Variants in WDPCP observed in about 807,000 individuals in gnomAD.
The protein encoded by WDPCP is WD repeat-containing and planar cell polarity effector protein fritz homolog.
A neutral mutation model predicts 93.1 loss-of-function variants in WDPCP; 71 were observed. The observed-to-expected ratio is 0.76, with a 90% CI of 0.63 to 0.93. The LOEUF (loss-of-function observed/expected upper bound fraction) is 0.93. WDPCP is among the 40% of genes least tolerant of loss of function. WDPCP has a pLI of 0.00. For missense variants in WDPCP, 844 were observed against 887.4 expected (o/e 0.95, Z 0.62); for synonymous variants, 315 against 315.0 (o/e 1.00, Z 0.00).
chr2:63,326,699 GGAGAC>G (rs1270445218), intron 12 of WDPCP, among the ~76,000 whole-genome samples: 21 of 150,758 alleles, frequency 1.4e-4, no homozygotes, highest in South Asian at 4.2e-4. Context: ...TCAAAGAGAA[GGAGAC>G]AGACAGAAAG....
intron 13 of WDPCP, among the ~76,000 whole-genome samples, chr2:63,296,110 C>T (rs764228836): frequency 6.6e-6 from 1 of 151,824 alleles, no homozygotes; most frequent in Non-Finnish European, 1.5e-5. Flanking sequence ...GGGCTTTATT[C>T]CAGGGATACA....
At chr2:63,185,503 T>C (rs888274271) in intron 14 of WDPCP, among the ~76,000 whole-genome samples, 2 of 151,962 alleles carry the variant, frequency 1.3e-5, no homozygotes, top group Non-Finnish European at 2.9e-5. Context: ...TATGTATGAA[T>C]TCCTTGGTTG....
At chr2:63,241,139 A>C (rs1852909) in intron 14 of WDPCP, among the ~76,000 whole-genome samples, 1 of 152,114 alleles carries the variant, frequency 6.6e-6, no homozygotes, top group Non-Finnish European at 1.5e-5. Context: ...ACTTAATAAG[A>C]TTACTGAAAA....
At chr2:63,269,172 T>C (rs1682417208) in intron 13 of WDPCP, among the ~76,000 whole-genome samples, 1 of 152,200 alleles carries the variant, frequency 6.6e-6, no homozygotes, top group South Asian at 2.1e-4. Context: ...CCAACCAGTG[T>C]TACTTAGTTG....
At chr2:63,788,359 C>T (rs867549001) in intron 2 of WDPCP, among the ~76,000 whole-genome samples, 6 of 152,102 alleles carry the variant, frequency 3.9e-5, no homozygotes, top group South Asian at 2.1e-4. Context: ...ACAGATATAA[C>T]GCTAAACAGA....
At position 63,817,634 on chromosome 2, in the gene WDPCP, A is replaced by G. The variant is rs546051351; in HGVS notation, n.223-3927T>C. On this transcript the variant is annotated intron_variant and non_coding_transcript_variant, in intron 1 of 4. Coordinates refer to the WDPCP transcript ENST00000467687. ...ATGGCTGCTTTCACTCTACAAAGGCAGAGTTCAGTAGCTGTGACAGAGACC... is the reference window on the plus strand; with the variant it reads ...ATGGCTGCTTTCACTCTACAAAGGCGGAGTTCAGTAGCTGTGACAGAGACC... Among the ~76,000 whole-genome samples, 3 of 152,292 alleles carry G rather than the reference A, an allele frequency of 2.0e-5. No individual in the cohort carries two copies. The East Asian group carries it at 5.8e-4, about 29-fold the overall frequency.
At chr2:63,246,264 G>A (rs965194919) in intron 14 of WDPCP, among the ~76,000 whole-genome samples, 1 of 152,132 alleles carries the variant, frequency 6.6e-6, no homozygotes, top group Non-Finnish European at 1.5e-5. Context: ...AAAAGGCATG[G>A]ATCACCAGGG....
At chr2:63,606,698 TTGAG>T (rs1395659155) in intron 3 of WDPCP, among the ~76,000 whole-genome samples, 1 of 152,078 alleles carries the variant, frequency 6.6e-6, no homozygotes, top group African/African-American at 2.4e-5. Flanking sequence ...AATTCAAGTG[TTGAG>T]TTTTTATTAG....
At chr2:63,835,960 G>A in the WDPCP span, among the ~76,000 whole-genome samples, 1 of 152,118 alleles carries the variant, frequency 6.6e-6, no homozygotes, top group African/African-American at 2.4e-5. Flanking sequence ...GTTCAAGTGA[G>A]TTTTGTGCCT....
intron 1 of WDPCP, among the ~76,000 whole-genome samples, chr2:63,546,317 G>T (rs1407949029): frequency 6.6e-6 from 1 of 152,196 alleles, no homozygotes; most frequent in Non-Finnish European, 1.5e-5. Context: ...AAACAGTAAT[G>T]TAGTTTTTAA....
At chr2:63,552,344 T>A (rs1324007200) in intron 1 of WDPCP, among the ~76,000 whole-genome samples, 4 of 151,974 alleles carry the variant, frequency 2.6e-5, no homozygotes, top group African/African-American at 9.7e-5. Flanking sequence ...AAAAATTATT[T>A]AATTTTAAAG....
upstream of WDPCP, chr2:63,590,978 G>A (rs963541171): frequency 3.9e-5 from 6 of 152,186 alleles, no homozygotes; most frequent in Non-Finnish European, 7.4e-5. Context: ...GTACTGCTTA[G>A]TTTTTTGTGT....
At chr2:63,233,677 A>C in intron 14 of WDPCP, 1 of 153,696 alleles carries the variant, frequency 6.5e-6, no homozygotes, top group Non-Finnish European at 1.5e-5. Context: ...CCAGCACATC[A>C]AGCAGAGGGC....
intron 6 of WDPCP, among the ~76,000 whole-genome samples, chr2:63,474,603 T>C (rs1430217215): frequency 6.6e-6 from 1 of 152,114 alleles, no homozygotes; most frequent in African/African-American, 2.4e-5. Context: ...TTTGTACATT[T>C]TAATGATTGG....
chr2:63,384,929 C>G (rs936295946), intron 10 of WDPCP, among the ~76,000 whole-genome samples: 2 of 151,816 alleles, frequency 1.3e-5, no homozygotes, highest in Non-Finnish European at 2.9e-5. Context: ...AAACCCTTAA[C>G]ATAATATTAG....
chr2:63,368,389 A>G (rs1446719062), intron 12 of WDPCP, among the ~76,000 whole-genome samples: 3 of 151,782 alleles, frequency 2.0e-5, no homozygotes, highest in Admixed American at 2.0e-4. Flanking sequence ...GCAGTGGCAC[A>G]ATATCGGCTC....
intron 13 of WDPCP, among the ~76,000 whole-genome samples, chr2:63,262,117 A>G (rs1171493372): frequency 6.6e-6 from 1 of 152,210 alleles, no homozygotes; most frequent in Non-Finnish European, 1.5e-5. Context: ...TCTTAAGAAT[A>G]GTCTGTGACT....
intron 2 of WDPCP, among the ~76,000 whole-genome samples, chr2:63,807,465 T>C (rs1575778408): frequency 6.6e-6 from 1 of 152,336 alleles, no homozygotes; most frequent in Non-Finnish European, 1.5e-5. Flanking sequence ...TTCTGGCCCT[T>C]ACCAGAAGCA....
intron 2 of WDPCP, among the ~76,000 whole-genome samples, chr2:63,786,203 G>A (rs926457016): frequency 5.3e-5 from 8 of 151,988 alleles, no homozygotes; most frequent in African/African-American, 1.9e-4. Context: ...GTAGAGACGA[G>A]GTCTCACTAT....
Sources: gnomAD v4.1 joint callset for allele counts (sites outside exome capture counted in the v4.1 genomes callset) on GRCh38, gnomAD v4.1.1 for gene constraint, MANE v1.5 for transcripts, NCBI Gene and HGNC (gene_info 2026-07-23, HGNC 2026-07-21) for gene names.